The following EHMT1 variants were observed in gnomAD, a reference collection of about 807,000 sequenced individuals.
EHMT1 encodes histone-lysine N-methyltransferase EHMT1.
EHMT1 carries 15 observed loss-of-function variants against 147.2 expected under a neutral mutation model. The ratio of observed to expected loss-of-function variants is 0.10; its 90% confidence interval spans 0.07 to 0.16. EHMT1 has a LOEUF of 0.16. Among genes scored for constraint, EHMT1 ranks in the 10% least tolerant of loss-of-function variants. The pLI, the probability that EHMT1 is intolerant of heterozygous loss-of-function variation, is 1.00. For synonymous variants in EHMT1, 795 were observed against 709.6 expected (o/e 1.12, Z -1.91); for missense variants, 1,587 against 1,772.4 (o/e 0.90, Z 1.88).
chr9:137,820,815 G>A (rs1955352633), intron 25 of EHMT1, among the ~76,000 whole-genome samples: 1 of 152,240 alleles, frequency 6.6e-6, no homozygotes, highest in Non-Finnish European at 1.5e-5. Flanking sequence ...GGCCTGGGCT[G>A]TGTTACCTTA....
At chr9:137,671,990 C>T (rs908463849) in intron 1 of EHMT1, among the ~76,000 whole-genome samples, 1 of 152,252 alleles carries the variant, frequency 6.6e-6, no homozygotes, top group Non-Finnish European at 1.5e-5. Flanking sequence ...TCCCCCAGCA[C>T]TTCCTGTCCA....
At chr9:137,799,124 T>C (rs1953228744) in intron 17 of EHMT1, among the ~76,000 whole-genome samples, 3 of 151,314 alleles carry the variant, frequency 2.0e-5, no homozygotes, top group Non-Finnish European at 4.4e-5. Flanking sequence ...GCTCGGGCCC[T>C]CCAGCGTCCT....
chr9:137,663,826 G>C (rs1452062373), intron 1 of EHMT1, among the ~76,000 whole-genome samples: 1 of 152,186 alleles, frequency 6.6e-6, no homozygotes, highest in East Asian at 1.9e-4. Context: ...CACCTGGAGA[G>C]AAGGTGGAAT....
Position 137,648,300 on chromosome 9 carries a change from C to G in EHMT1, c.21+29251C>G, listed in dbSNP as rs188271335. On this transcript the variant is annotated intron_variant, in intron 1 of 26. Coordinates refer to ENST00000460843, the MANE Select transcript of EHMT1 (RefSeq NM_024757.5). ...CTATACCTGGAAAACCCAAAAGAGT[C>G]AATGTTAAAACACAGACAGTGAAAT... Among the ~76,000 whole-genome samples the G allele has an allele frequency of 4.6e-5, 7 of 152,090 alleles. No homozygotes were observed. In the East Asian group the frequency reaches 7.7e-4, roughly 17 times the overall value.
chr9:137,716,731 G>T lies in EHMT1; in HGVS notation c.191G>T (p.Ser64Ile), dbSNP rs551992272. ...TNGSCENSDASSHANAAKHTQ... is the reference protein window; with the variant it reads ...TNGSCENSDAISHANAAKHTQ... ...GGGTCTTGTGAAAACAGCGATGCCA[G>T]CAGTCATGCAAATGCTGCAAAGCAC... The change falls in exon 3 of 27, where the codon AGC (serine) becomes ATC (isoleucine). Residue 64 changes from serine (S) to isoleucine (I), a missense_variant. Coordinates refer to ENST00000460843, the MANE Select transcript of EHMT1 (RefSeq NM_024757.5). 6.2e-7 allele frequency: 1 copy of T among 1,612,428 alleles called. No individual in the cohort carries two copies. Among genetic ancestry groups the T allele is most frequent in the African/African-American group, 1.3e-5 (1 of 74,964 alleles).
intron 1 of EHMT1, among the ~76,000 whole-genome samples, chr9:137,622,665 A>G (rs1219692268): frequency 6.6e-6 from 1 of 152,156 alleles, no homozygotes; most frequent in Non-Finnish European, 1.5e-5. Context: ...CATGCCTGGG[A>G]GGCCGAGATG....
intron 1 of EHMT1, among the ~76,000 whole-genome samples, chr9:137,626,890 A>G (rs922071366): frequency 3.3e-5 from 5 of 151,574 alleles, no homozygotes; most frequent in Middle Eastern, 3.4e-3. Context: ...GGTTCGAGCA[A>G]TTCTGCCTCA....
chr9:137,758,850 G>A (rs1262480704), intron 9 of EHMT1, among the ~76,000 whole-genome samples: 4 of 152,236 alleles, frequency 2.6e-5, no homozygotes, highest in Admixed American at 6.5e-5. Context: ...TAGTCCGGCT[G>A]GGCGCGGTGG....
rs1398855166 is a variant in EHMT1, at chr9:137,791,047, AC to A, written c.2505+78del. ...AGAAAGCTGAGCAAGGGACATCCTT[AC>A]TGACATCTCCAGGACTTGGGGCCTT... is the stretch of plus-strand genomic sequence containing the variant. On this transcript the variant is annotated intron_variant, in intron 16 of 26. Transcript: ENST00000460843. 7.4e-6 allele frequency: 12 copies of A among 1,611,930 alleles called. No homozygotes were observed. The Admixed American group carries it at 2.0e-4, about 27-fold the overall frequency.
At chr9:137,784,231 G>A in intron 15 of EHMT1, 2 of 1,541,866 alleles carry the variant, frequency 1.3e-6, no homozygotes, top group Non-Finnish European at 1.8e-6. Flanking sequence ...CAGCCTTGCT[G>A]TGGACCAGGC....
intron 3 of EHMT1, among the ~76,000 whole-genome samples, chr9:137,726,118 G>A (rs941985092): frequency 2.0e-5 from 3 of 152,108 alleles, no homozygotes; most frequent in African/African-American, 7.2e-5. Context: ...GCGTATGTGC[G>A]TGGTAAAACA....
At chr9:137,702,059 G>A (rs1943883698) in intron 1 of EHMT1, among the ~76,000 whole-genome samples, 1 of 152,078 alleles carries the variant, frequency 6.6e-6, no homozygotes, top group Non-Finnish European at 1.5e-5. Flanking sequence ...CTCCCAAAGT[G>A]CTGAGATTAC....
chr9:137,821,010 T>C (rs914182179), intron 25 of EHMT1, among the ~76,000 whole-genome samples: 2 of 152,232 alleles, frequency 1.3e-5, no homozygotes, highest in Non-Finnish European at 2.9e-5. Flanking sequence ...CCCGAGTAGC[T>C]GGGACTGCAG....
At chr9:137,721,181 T>A (rs369570585) in intron 3 of EHMT1, among the ~76,000 whole-genome samples, 51 of 21,412 alleles carry the variant, frequency 2.4e-3, no homozygotes, top group South Asian at 7.4e-3. Flanking sequence ...ACTCACCCCC[T>A]CCCAGACTTC....
chr9:137,710,881 A>AT, intron 1 of EHMT1, 86 bp from the exon 2 acceptor site: 4 of 1,468,556 alleles, frequency 2.7e-6, no homozygotes, highest in South Asian at 2.5e-5. Flanking sequence ...TGTAACTACG[A>AT]TTTTTTGACT....
intron 1 of EHMT1, among the ~76,000 whole-genome samples, chr9:137,658,237 G>A (rs1430697566): frequency 6.6e-6 from 1 of 151,712 alleles, no homozygotes; most frequent in African/African-American, 2.4e-5. Flanking sequence ...TGCAGCCTCC[G>A]CCTCCTGGGT....
At chr9:137,741,580 A>G (rs1429960999) in intron 4 of EHMT1, among the ~76,000 whole-genome samples, 1 of 152,208 alleles carries the variant, frequency 6.6e-6, no homozygotes, top group Non-Finnish European at 1.5e-5. Flanking sequence ...GGTTACTGAG[A>G]TGAAATGAGG....
At chr9:137,633,541 A>G (rs1843762483) in intron 1 of EHMT1, among the ~76,000 whole-genome samples, 1 of 152,154 alleles carries the variant, frequency 6.6e-6, no homozygotes, top group Non-Finnish European at 1.5e-5. Flanking sequence ...CCAGGAGCAG[A>G]TGATTTATTT....
At chr9:137,801,322 T>C (rs151132406) in intron 18 of EHMT1, among the ~76,000 whole-genome samples, 16 of 152,150 alleles carry the variant, frequency 1.1e-4, no homozygotes, top group African/African-American at 3.9e-4. Flanking sequence ...CCCTTTGTTT[T>C]TGTTTTTGTT....
Sources: gnomAD v4.1 joint callset for allele counts (sites outside exome capture counted in the v4.1 genomes callset) on GRCh38, gnomAD v4.1.1 for gene constraint, MANE v1.5 for transcripts, NCBI Gene and HGNC (gene_info 2026-07-23, HGNC 2026-07-21) for gene names.